Variants in WWOX observed in about 807,000 individuals in gnomAD.
The protein encoded by WWOX is WW domain containing oxidoreductase.
WWOX carries 69 observed loss-of-function variants against 46.2 expected under a neutral mutation model. The observed-to-expected ratio is 1.49, with a 90% CI of 1.23 to 1.82. The LOEUF (loss-of-function observed/expected upper bound fraction) is 1.82, where lower values mean the gene tolerates loss of function less well. Among genes scored for constraint, WWOX ranks in the 40% most tolerant of loss-of-function variants. The probability of loss-of-function intolerance (pLI) is 0.00; values close to 1 mark genes in which losing one functional copy is unlikely to be tolerated. For missense variants in WWOX, 919 were observed against 542.6 expected (o/e 1.69, Z -6.89); for synonymous variants, 359 against 202.6 (o/e 1.77, Z -6.56).
chr16:78,340,734 A>G lies in WWOX; in HGVS notation c.517-46126A>G, dbSNP rs1160362926. ...AAATATCCCACAGAAGGATCTTCTTATCTTCTGCTTGGGGAAGGTGTAGCT... is the reference window on the plus strand; with the variant it reads ...AAATATCCCACAGAAGGATCTTCTTGTCTTCTGCTTGGGGAAGGTGTAGCT... On this transcript the variant is annotated intron_variant, in intron 5 of 8. Coordinates refer to ENST00000566780, the MANE Select transcript of WWOX (RefSeq NM_016373.4). Among the ~76,000 whole-genome samples the G allele has an allele frequency of 4.2e-5, 5 of 118,158 alleles. 2 individuals carry two copies. The highest frequency in any genetic ancestry group is 1.0e-4 in the Non-Finnish European group (5 of 49,846). 77.5% of individuals were successfully genotyped at this position (118,158 alleles called of 152,430 possible). A position where few individuals can be genotyped will look rare whatever the true frequency, so the allele number is the denominator to read the frequency against.
intron 8 of WWOX, among the ~76,000 whole-genome samples, chr16:78,647,230 G>A (rs2046864925): frequency 6.6e-6 from 1 of 152,130 alleles, no homozygotes; most frequent in South Asian, 2.1e-4. Flanking sequence ...AGAACACATG[G>A]ATCAGGACAG....
At chr16:78,997,521 C>A (rs545160006) in intron 8 of WWOX, among the ~76,000 whole-genome samples, 1 of 152,134 alleles carries the variant, frequency 6.6e-6, no homozygotes, top group Admixed American at 6.5e-5. Flanking sequence ...CTTTCATTGC[C>A]CTTTGCTCTT....
intron 5 of WWOX, among the ~76,000 whole-genome samples, chr16:78,178,521 C>G (rs7194833): frequency 0.063 from 9,522 of 152,172 alleles, 986 homozygotes; most frequent in African/African-American, 0.22. Context: ...GAATACATGT[C>G]AGTGCTAGAC....
At chr16:78,319,844 T>C (rs947983530) in intron 5 of WWOX, among the ~76,000 whole-genome samples, 1 of 152,160 alleles carries the variant, frequency 6.6e-6, no homozygotes, top group African/African-American at 2.4e-5. Flanking sequence ...GCAAAACTTT[T>C]ACTCTTCAGG....
intron 8 of WWOX, among the ~76,000 whole-genome samples, chr16:78,560,653 T>G (rs2044413584): frequency 6.6e-6 from 1 of 151,978 alleles, no homozygotes; most frequent in Non-Finnish European, 1.5e-5. Context: ...TCAAAAAAAT[T>G]AATGATAATA....
chr16:78,355,635 G>C (rs935541421), intron 5 of WWOX: 36 of 612,944 alleles, frequency 5.9e-5, no homozygotes, highest in Non-Finnish European at 1.0e-4. Flanking sequence ...AGAAACGACC[G>C]AGAGCTTCGA....
intron 8 of WWOX, among the ~76,000 whole-genome samples, chr16:79,148,663 C>G (rs550020469): frequency 1.3e-5 from 2 of 152,080 alleles, no homozygotes; most frequent in Non-Finnish European, 2.9e-5. Context: ...TAGATCAATT[C>G]GGGAGAATTG....
intron 8 of WWOX, among the ~76,000 whole-genome samples, chr16:78,929,882 C>A (rs908784033): frequency 6.6e-6 from 1 of 152,100 alleles, no homozygotes; most frequent in African/African-American, 2.4e-5. Context: ...AGTATCTAGC[C>A]CATCCTTCTT....
chr16:79,163,230 C>T (rs2150753902), intron 8 of WWOX, among the ~76,000 whole-genome samples: 1 of 152,158 alleles, frequency 6.6e-6, no homozygotes, highest in East Asian at 1.9e-4. Context: ...GAGGAATAGG[C>T]TTAGTGAGAA....
At chr16:78,301,025 C>A (rs1484948561) in intron 5 of WWOX, among the ~76,000 whole-genome samples, 6 of 151,988 alleles carry the variant, frequency 3.9e-5, no homozygotes, top group Non-Finnish European at 7.4e-5. Context: ...TCCATGCATC[C>A]ATCCATCCAT....
chr16:78,585,686 T>G (rs1010486292), intron 8 of WWOX, among the ~76,000 whole-genome samples: 1 of 144,608 alleles, frequency 6.9e-6, no homozygotes, highest in Non-Finnish European at 1.5e-5. Flanking sequence ...TTTTTTTTTT[T>G]GTTTTTTTTT....
chr16:78,666,662 G>T (rs1226245960), intron 8 of WWOX, among the ~76,000 whole-genome samples: 2 of 152,188 alleles, frequency 1.3e-5, no homozygotes. Context: ...AGGTCATCTT[G>T]GGAAGGGCCA....
At position 78,231,612 on chromosome 16, in the gene WWOX, G is replaced by A. The variant is rs573876126; in HGVS notation, c.516+67323G>A. On this transcript the variant is annotated intron_variant, in intron 5 of 8. Transcript: ENST00000566780. Reference sequence around the variant, plus strand: ...CTTTATGGTGTTTTTCATTGTTAACGTGGCATCGGAGTAGCTCGACTTTTG... The same window carrying A: ...CTTTATGGTGTTTTTCATTGTTAACATGGCATCGGAGTAGCTCGACTTTTG... Among the ~76,000 whole-genome samples, 5 of 152,228 alleles carry A rather than the reference G, an allele frequency of 3.3e-5. No individual in the cohort carries two copies. The South Asian group carries it at 6.2e-4, about 19-fold the overall frequency.
intron 8 of WWOX, among the ~76,000 whole-genome samples, chr16:78,716,644 C>T (rs1340724419): frequency 6.6e-6 from 1 of 152,056 alleles, no homozygotes; most frequent in Non-Finnish European, 1.5e-5. Flanking sequence ...GATAACGCTC[C>T]TCTCACTGTG....
chr16:78,257,748 T>G (rs934461425), intron 5 of WWOX, among the ~76,000 whole-genome samples: 1 of 152,194 alleles, frequency 6.6e-6, no homozygotes, highest in Non-Finnish European at 1.5e-5. Context: ...CGATTATCAC[T>G]CATGCTCTGC....
At chr16:78,733,993 G>A (rs1056388515) in intron 8 of WWOX, among the ~76,000 whole-genome samples, 13 of 151,914 alleles carry the variant, frequency 8.6e-5, no homozygotes, top group African/African-American at 3.1e-4. Context: ...CCAGGTAGCC[G>A]AGGCTCCAGT....
intron 8 of WWOX, among the ~76,000 whole-genome samples, chr16:78,842,436 G>A (rs1361590564): frequency 6.6e-6 from 1 of 152,076 alleles, no homozygotes; most frequent in Non-Finnish European, 1.5e-5. Context: ...CTGGATGTGT[G>A]TGGCTATGGT....
intron 8 of WWOX, among the ~76,000 whole-genome samples, chr16:78,755,705 C>G (rs58495040): frequency 0.035 from 5,398 of 152,204 alleles, 313 homozygotes; most frequent in African/African-American, 0.12. Flanking sequence ...GACAAATACC[C>G]ATTTTGATAG....
At chr16:78,562,807 A>G (rs2044470157) in intron 8 of WWOX, among the ~76,000 whole-genome samples, 2 of 152,200 alleles carry the variant, frequency 1.3e-5, no homozygotes, top group African/African-American at 4.8e-5. Context: ...CTTCAGTGTC[A>G]TCACAGAAAA....
Sources: allele counts gnomAD v4.1 joint callset (sites outside exome capture counted in the v4.1 genomes callset), GRCh38; gene constraint gnomAD v4.1.1; transcripts MANE v1.5; gene names NCBI Gene and HGNC (gene_info 2026-07-23, HGNC 2026-07-21).